GRID2: variants seen among roughly 807,000 people sequenced by gnomAD.
GRID2 encodes the protein glutamate receptor ionotropic, delta-2.
A neutral mutation model predicts 114.8 loss-of-function variants in GRID2; 33 were observed. The ratio of observed to expected loss-of-function variants is 0.29; its 90% CI spans 0.22 to 0.38. The LOEUF is 0.38. GRID2 is among the 10% of genes least tolerant of loss of function. The pLI is 1.00. For missense variants in GRID2, 1,184 were observed against 1,257.7 expected (o/e 0.94, Z 0.89); for synonymous variants, 505 against 449.9 (o/e 1.12, Z -1.55).
intron 13 of GRID2, among the ~76,000 whole-genome samples, chr4:93,594,908 C>T (rs549539151): frequency 5.3e-5 from 8 of 152,306 alleles, no homozygotes; most frequent in South Asian, 4.1e-4. Flanking sequence ...CGCCCTGCTT[C>T]GGCTCATGCA....
intron 13 of GRID2, among the ~76,000 whole-genome samples, chr4:93,517,726 G>A (rs2149493349): frequency 1.3e-5 from 2 of 151,680 alleles, no homozygotes; most frequent in East Asian, 2.0e-4. Flanking sequence ...ATGTGGTTGT[G>A]GATTCTTATT....
intron 8 of GRID2, among the ~76,000 whole-genome samples, chr4:93,366,833 G>A (rs1224450668): frequency 6.6e-6 from 1 of 151,854 alleles, no homozygotes; most frequent in East Asian, 1.9e-4. Flanking sequence ...GAATATCGGG[G>A]CAATTCCCCG....
intron 2 of GRID2, among the ~76,000 whole-genome samples, chr4:92,770,752 C>A (rs1422740419): frequency 6.6e-6 from 1 of 152,106 alleles, no homozygotes; most frequent in Non-Finnish European, 1.5e-5. Flanking sequence ...GGGAAAGACC[C>A]ACCACCATAA....
chr4:93,744,548 G>A (rs890711006), intron 14 of GRID2, among the ~76,000 whole-genome samples: 1 of 152,220 alleles, frequency 6.6e-6, no homozygotes, highest in Non-Finnish European at 1.5e-5. Flanking sequence ...GCCTGAAGAT[G>A]TGACTGAATT....
At chr4:93,331,123 C>T (rs538857072) in intron 8 of GRID2, among the ~76,000 whole-genome samples, 2 of 147,792 alleles carry the variant, frequency 1.4e-5, no homozygotes, top group African/African-American at 5.1e-5. Flanking sequence ...CTGCTGCTAT[C>T]TAACCCCCCC....
chr4:93,155,029 AG>A (rs1737055492), intron 4 of GRID2, among the ~76,000 whole-genome samples: 1 of 151,904 alleles, frequency 6.6e-6, no homozygotes, highest in African/African-American at 2.4e-5. Flanking sequence ...TAATATTTTC[AG>A]ATTACCTACA....
chr4:93,238,854 G>T (rs1401084179), intron 8 of GRID2, among the ~76,000 whole-genome samples: 1 of 151,382 alleles, frequency 6.6e-6, no homozygotes, highest in Non-Finnish European at 1.5e-5. Flanking sequence ...CAGAATAAGA[G>T]CTTGGATAAA....
chr4:93,322,573 G>T (rs1757353009), intron 8 of GRID2, among the ~76,000 whole-genome samples: 2 of 152,116 alleles, frequency 1.3e-5, no homozygotes, highest in Admixed American at 1.3e-4. Context: ...GTAATGGGAT[G>T]GCTGGGTCAA....
chr4:93,600,512 A>G (rs1026611342), intron 13 of GRID2, among the ~76,000 whole-genome samples: 4 of 152,168 alleles, frequency 2.6e-5, no homozygotes, highest in Admixed American at 6.6e-5. Context: ...TTGAAACCAC[A>G]ATGATATACA....
At chr4:92,925,195 T>A (rs1357799482) in intron 2 of GRID2, among the ~76,000 whole-genome samples, 1 of 152,088 alleles carries the variant, frequency 6.6e-6, no homozygotes, top group Non-Finnish European at 1.5e-5. Flanking sequence ...AAATTCATTT[T>A]ATTGTGTAAT....
intron 8 of GRID2, among the ~76,000 whole-genome samples, chr4:93,292,691 T>A (rs1408798833): frequency 2.0e-5 from 3 of 152,174 alleles, no homozygotes; most frequent in African/African-American, 7.2e-5. Flanking sequence ...AAATAGTGGT[T>A]TTTATCTTAA....
intron 1 of GRID2, among the ~76,000 whole-genome samples, chr4:93,781,352 C>T (rs543684991): frequency 1.3e-5 from 2 of 151,514 alleles, no homozygotes; most frequent in East Asian, 2.0e-4. Flanking sequence ...CACTGGGCTG[C>T]GGTGAGGGGC....
rs192801037 is a variant in GRID2, at chr4:92,380,594, A to G, written c.88+75850A>G. 2.6e-5 allele frequency among the ~76,000 whole-genome samples: 4 copies of G among 152,086 alleles called. No homozygotes were observed. In the East Asian group the frequency reaches 7.7e-4, roughly 29 times the overall value. ...TATATATTCGTTAGCTGCCTCAAGT[A>G]TTTCTGGACAAAAATATGTATACTT... On this transcript the variant is annotated intron_variant, in intron 1 of 15. Coordinates refer to ENST00000282020, the MANE Select transcript of GRID2 (RefSeq NM_001510.4).
At chr4:93,770,844 C>T (rs1734052385) in intron 15 of GRID2, among the ~76,000 whole-genome samples, 1 of 152,142 alleles carries the variant, frequency 6.6e-6, no homozygotes. Flanking sequence ...TGGATGACTA[C>T]ATTACAGTTG....
chr4:93,769,241 G>T lies in GRID2; in HGVS notation c.2392G>T (p.Asp798Tyr). 1 of 1,613,682 alleles carries T rather than the reference G, an allele frequency of 6.2e-7. No individual in the cohort carries two copies. ...GGAGCTTCAGCAGAATGGTGACATG[G>T]ACATCCTGAAGCACAAATGGTGGCC... Reference protein sequence around the residue: ...ILELQQNGDMDILKHKWWPKN... With the variant: ...ILELQQNGDMYILKHKWWPKN... Residue 798 changes from aspartate to tyrosine, a missense_variant, in exon 15 of 16, where the codon GAC (aspartate) becomes TAC (tyrosine). By Grantham distance (160) the Asp-to-Tyr change is radical (BLOSUM62 -3). This residue lies in a region of GRID2 where 717 missense variants were observed against 796.9 expected (regional missense o/e 0.90). Transcript: ENST00000282020.
chr4:93,019,643 C>T (rs1264230647), intron 2 of GRID2, among the ~76,000 whole-genome samples: 1 of 152,196 alleles, frequency 6.6e-6, no homozygotes, highest in East Asian at 1.9e-4. Flanking sequence ...CCTACCCTCA[C>T]TCACATCACA....
chr4:92,888,779 T>C (rs1301392697), intron 2 of GRID2, among the ~76,000 whole-genome samples: 1 of 151,586 alleles, frequency 6.6e-6, no homozygotes, highest in Non-Finnish European at 1.5e-5. Flanking sequence ...GCACCCTTTA[T>C]CTAGTAGCTG....
chr4:92,826,890 A>G (rs1032946265), intron 2 of GRID2, among the ~76,000 whole-genome samples: 15 of 152,066 alleles, frequency 9.9e-5, no homozygotes, highest in Admixed American at 2.6e-4. Context: ...TTTCCTTTAT[A>G]TCCAAGTGTT....
intron 8 of GRID2, among the ~76,000 whole-genome samples, chr4:93,351,639 A>G (rs995393188): frequency 6.6e-6 from 1 of 152,060 alleles, no homozygotes; most frequent in African/African-American, 2.4e-5. Context: ...AAGGGCAACT[A>G]CAATGCTCCA....
Sources: allele counts gnomAD v4.1 joint callset (sites outside exome capture counted in the v4.1 genomes callset), GRCh38; gene constraint gnomAD v4.1.1; regional missense constraint gnomAD v4.1.1; transcripts MANE v1.5; gene names NCBI Gene and HGNC (gene_info 2026-07-23, HGNC 2026-07-21).